The following VKORC1L1 variants were observed in gnomAD, a reference collection of about 807,000 sequenced individuals.
The protein encoded by VKORC1L1 is vitamin K epoxide reductase complex subunit 1L1.
Under a neutral mutation model 18.9 loss-of-function variants are expected in VKORC1L1, and 2 were observed. The ratio of observed to expected loss-of-function variants is 0.11; its 90% confidence interval spans 0.04 to 0.33. The LOEUF is 0.33. VKORC1L1 is among the 10% of genes least tolerant of loss of function. The pLI, the probability that VKORC1L1 is intolerant of heterozygous loss-of-function variation, is 1.00. For synonymous variants in VKORC1L1, 96 were observed against 100.0 expected (o/e 0.96, Z 0.24); for missense variants, 123 against 224.1 (o/e 0.55, Z 2.88).
At chr7:65,903,828 A>G (rs1378448930) in intron 1 of VKORC1L1, among the ~76,000 whole-genome samples, 1 of 152,042 alleles carries the variant, frequency 6.6e-6, no homozygotes, top group Admixed American at 6.6e-5. Flanking sequence ...GACCTGCACA[A>G]GAAGTGTTGA....
chr7:65,903,761 G>A (rs1217508840), intron 1 of VKORC1L1, among the ~76,000 whole-genome samples: 1 of 117,512 alleles, frequency 8.5e-6, no homozygotes, highest in East Asian at 2.6e-4. Flanking sequence ...GTGATAGAGC[G>A]AGACCGTGTC....
chr7:65,915,177 C>T lies in VKORC1L1; in HGVS notation c.195-33494C>T, dbSNP rs1789566702. 3.3e-5 allele frequency among the ~76,000 whole-genome samples: 5 copies of T among 150,806 alleles called. No individual in the cohort carries two copies. In the South Asian group the frequency reaches 8.4e-4, roughly 25 times the overall value. ...CTCGATCTCGGCTCACTGCAAGCTC[C>T]GCCTCCTGGGTTCACATCATTCTCC... On this transcript the variant is annotated intron_variant, in intron 1 of 2. Coordinates refer to ENST00000360768, the MANE Select transcript of VKORC1L1 (RefSeq NM_173517.6).
intron 1 of VKORC1L1, among the ~76,000 whole-genome samples, chr7:65,885,381 GTTAAC>G (rs1479358084): frequency 5.3e-5 from 8 of 151,146 alleles, no homozygotes; most frequent in South Asian, 4.1e-4. Context: ...ACATAGAAGT[GTTAAC>G]TTAGGTGGTC....
chr7:65,947,837 C>T (rs1283089373), intron 1 of VKORC1L1, among the ~76,000 whole-genome samples: 2 of 151,980 alleles, frequency 1.3e-5, no homozygotes, highest in Non-Finnish European at 2.9e-5. Context: ...ATTACAGGTG[C>T]ACACCACCAT....
chr7:65,953,929 C>T, intron 2 of VKORC1L1, 145 bp from the exon 3 acceptor site: 1 of 669,946 alleles, frequency 1.5e-6, no homozygotes, highest in Non-Finnish European at 2.4e-6. Flanking sequence ...CAAAACAGAG[C>T]AGTATTTCTG....
chr7:65,906,508 A>G (rs1434914342), intron 1 of VKORC1L1, among the ~76,000 whole-genome samples: 5 of 152,164 alleles, frequency 3.3e-5, no homozygotes, highest in Non-Finnish European at 5.9e-5. Flanking sequence ...AAGACCCCCA[A>G]AGGTGGAGAA....
chr7:65,901,033 G>A (rs1201316664), intron 1 of VKORC1L1, among the ~76,000 whole-genome samples: 1 of 152,128 alleles, frequency 6.6e-6, no homozygotes, highest in Non-Finnish European at 1.5e-5. Context: ...TAGGATTTTG[G>A]AAACTTGCCT....
intron 1 of VKORC1L1, among the ~76,000 whole-genome samples, chr7:65,882,506 C>T (rs896314769): frequency 6.6e-6 from 1 of 150,470 alleles, no homozygotes; most frequent in African/African-American, 2.4e-5. Flanking sequence ...ACACCCAGGA[C>T]AATAATCCTT....
In VKORC1L1 at chr7:65,887,988, A is replaced by T. The variant is rs368523171; in HGVS notation, c.194+14423A>T. Among the ~76,000 whole-genome samples, 7 of 152,312 alleles carry T rather than the reference A, an allele frequency of 4.6e-5. No homozygotes were observed. In the East Asian group the frequency reaches 1.4e-3, roughly 29 times the overall value. On this transcript the variant is annotated intron_variant, in intron 1 of 2. Transcript: ENST00000360768. Reference sequence around the variant, plus strand: ...TTGTTTTTGTTTTAGTTAACATTTTATTATTATTCACCAGCCATTAAGGAA... The same window carrying T: ...TTGTTTTTGTTTTAGTTAACATTTTTTTATTATTCACCAGCCATTAAGGAA...
At chr7:65,932,218 C>T (rs1364278890) in intron 1 of VKORC1L1, among the ~76,000 whole-genome samples, 1 of 152,104 alleles carries the variant, frequency 6.6e-6, no homozygotes, top group Non-Finnish European at 1.5e-5. Context: ...CTGCCTCAGC[C>T]TCCCAACCAG....
At chr7:65,912,572 A>G (rs1024172886) in intron 1 of VKORC1L1, among the ~76,000 whole-genome samples, 1 of 152,198 alleles carries the variant, frequency 6.6e-6, no homozygotes, top group African/African-American at 2.4e-5. Context: ...ATGTTCCTCA[A>G]CAGCTGACTG....
chr7:65,890,382 C>T (rs1462040868), intron 1 of VKORC1L1, among the ~76,000 whole-genome samples: 13 of 152,092 alleles, frequency 8.5e-5, no homozygotes, highest in East Asian at 1.9e-4. Flanking sequence ...CCGCCTGCCT[C>T]GGCCTCCCAA....
In VKORC1L1 at chr7:65,873,158, T is replaced by C. The variant is rs867267261; in HGVS notation, c.-214T>C. The C allele has an allele frequency of 1.2e-4, 59 of 486,830 alleles. No individual in the cohort carries two copies. The highest frequency in any genetic ancestry group is 3.1e-4 in the East Asian group (2 of 6,456). The allele number at this position is 486,830 out of a possible 1,614,324, so 30.2% of individuals were successfully genotyped here. On this transcript the variant is annotated 5_prime_UTR_variant, in exon 1 of 3. Transcript: ENST00000360768. ...GCCCGCGCGCGCCTTCCCCGCCCCG[T>C]CCGCCTCACTCCTTTTGGGGCGGTT...
intron 1 of VKORC1L1, among the ~76,000 whole-genome samples, chr7:65,900,415 T>C (rs1343237095): frequency 2.7e-5 from 4 of 147,850 alleles, no homozygotes; most frequent in Non-Finnish European, 6.0e-5. Context: ...AAAGAAAATA[T>C]AGAAAAATAA....
chr7:65,869,918 G>A (rs1411410692), upstream of VKORC1L1, among the ~76,000 whole-genome samples: 8 of 151,416 alleles, frequency 5.3e-5, no homozygotes, highest in East Asian at 1.2e-3. Flanking sequence ...GCCTCCCAAA[G>A]CATTGGGATT....
intron 1 of VKORC1L1, among the ~76,000 whole-genome samples, chr7:65,878,306 G>A (rs1404940646): frequency 6.6e-6 from 1 of 152,038 alleles, no homozygotes; most frequent in African/African-American, 2.4e-5. Flanking sequence ...AATTAGCCGG[G>A]CATGGTGGTG....
At chr7:65,909,830 G>T (rs1789473583) in intron 1 of VKORC1L1, among the ~76,000 whole-genome samples, 1 of 151,156 alleles carries the variant, frequency 6.6e-6, no homozygotes, top group Non-Finnish European at 1.5e-5. Flanking sequence ...CGATTCTCTT[G>T]TCTCAACCTC....
chr7:65,902,990 C>T (rs1789344529), intron 1 of VKORC1L1, among the ~76,000 whole-genome samples: 1 of 152,012 alleles, frequency 6.6e-6, no homozygotes, highest in African/African-American at 2.4e-5. Flanking sequence ...CCTCAGCCTA[C>T]TGAGTAGCTG....
intron 1 of VKORC1L1, among the ~76,000 whole-genome samples, chr7:65,910,352 A>G (rs1332622379): frequency 2.6e-5 from 4 of 151,868 alleles, no homozygotes; most frequent in Non-Finnish European, 5.9e-5. Flanking sequence ...GTTTAGTTCA[A>G]CTGACATTTT....
Sources: gnomAD v4.1 joint callset for allele counts (sites outside exome capture counted in the v4.1 genomes callset) on GRCh38, gnomAD v4.1.1 for gene constraint, MANE v1.5 for transcripts, NCBI Gene and HGNC (gene_info 2026-07-23, HGNC 2026-07-21) for gene names.